Variants in NEDD4L observed in about 807,000 individuals in gnomAD.
The protein encoded by NEDD4L is NEDD4 like E3 ubiquitin protein ligase, also known as E3 ubiquitin-protein ligase NEDD4-like.
NEDD4L carries 54 observed loss-of-function variants against 148.9 expected under a neutral mutation model. The observed-to-expected ratio is 0.36, with a 90% CI of 0.29 to 0.45. NEDD4L has a LOEUF of 0.45. NEDD4L is among the 20% of genes least tolerant of loss of function. The pLI is 1.00. For missense variants in NEDD4L, 856 were observed against 1,233.8 expected, an observed-to-expected ratio of 0.69 and a Z score of 4.59; for synonymous variants, 433 against 440.7, an observed-to-expected ratio of 0.98 and a Z score of 0.22.
intron 1 of NEDD4L, among the ~76,000 whole-genome samples, chr18:58,147,366 A>G (rs2034201131): frequency 6.6e-6 from 1 of 152,062 alleles, no homozygotes; most frequent in African/African-American, 2.4e-5. Flanking sequence ...TCCCTGGTGT[A>G]ATATTAAAAA....
At chr18:58,183,253 C>T (rs2039052738) in intron 2 of NEDD4L, among the ~76,000 whole-genome samples, 1 of 152,230 alleles carries the variant, frequency 6.6e-6, no homozygotes, top group Non-Finnish European at 1.5e-5. Context: ...CACTGGGCCA[C>T]CCTATAAATA....
At chr18:58,050,205 G>C (rs2081800759) in intron 1 of NEDD4L, among the ~76,000 whole-genome samples, 1 of 152,134 alleles carries the variant, frequency 6.6e-6, no homozygotes, top group South Asian at 2.1e-4. Context: ...TGTAATCCCA[G>C]CACGTTGGAG....
intron 1 of NEDD4L, among the ~76,000 whole-genome samples, chr18:58,156,039 G>A (rs2035448287): frequency 6.6e-6 from 1 of 152,128 alleles, no homozygotes; most frequent in South Asian, 2.1e-4. Context: ...TGGTGATTTG[G>A]TTTCTCAGTG....
chr18:58,063,112 C>T (rs1372388762), intron 1 of NEDD4L, among the ~76,000 whole-genome samples: 1 of 136,036 alleles, frequency 7.4e-6, no homozygotes, highest in Non-Finnish European at 1.5e-5. Context: ...GTGGCGTTAT[C>T]ACGGTTCACT....
At chr18:58,303,718 A>G (rs1256355290) in intron 5 of NEDD4L, among the ~76,000 whole-genome samples, 2 of 152,216 alleles carry the variant, frequency 1.3e-5, no homozygotes, top group Non-Finnish European at 2.9e-5. Context: ...ACTTTCTTCA[A>G]ATTAAGCCAT....
chr18:58,084,048 A>G (rs1490036224), intron 1 of NEDD4L, among the ~76,000 whole-genome samples: 1 of 152,184 alleles, frequency 6.6e-6, no homozygotes, highest in Non-Finnish European at 1.5e-5. Flanking sequence ...TTTTTTTAAG[A>G]AAAGAAAATG....
chr18:58,315,892 T>G, intron 5 of NEDD4L, 90 bp from the exon 6 acceptor site: 1 of 1,162,330 alleles, frequency 8.6e-7, no homozygotes, highest in South Asian at 1.2e-5. Context: ...GCCCTGGACC[T>G]TTGTCTCTAT....
chr18:58,120,842 G>A (rs1178262444), intron 1 of NEDD4L, among the ~76,000 whole-genome samples: 2 of 152,046 alleles, frequency 1.3e-5, no homozygotes, highest in African/African-American at 4.8e-5. Context: ...TAGTCCAACA[G>A]ATGTAATCCC....
chr18:58,287,803 G>C (rs772186747), intron 5 of NEDD4L, among the ~76,000 whole-genome samples: 1 of 152,126 alleles, frequency 6.6e-6, no homozygotes, highest in Middle Eastern at 3.2e-3. Flanking sequence ...GCGCGAGCCT[G>C]TGTGTTTTGC....
rs1305590043 is a variant in NEDD4L, at chr18:58,325,179, G to T, written c.680+17G>T. On this transcript the variant is annotated intron_variant, in intron 9 of 30. Coordinates refer to ENST00000400345, the MANE Select transcript of NEDD4L (RefSeq NM_001144967.3). The stretch of plus-strand genomic sequence containing the variant: ...AAGCCTGATGTGAGTACCGTGTGAT[G>T]GTCAGGAACACGTGCACGTGCACTG... The T allele has an allele frequency of 1.9e-6, 3 of 1,613,028 alleles. No individual in the cohort carries two copies. Among genetic ancestry groups the T allele is most frequent in the Non-Finnish European group, 1.7e-6 (2 of 1,179,658 alleles).
At chr18:58,230,414 C>CTT (rs66531634) in intron 2 of NEDD4L, among the ~76,000 whole-genome samples, 58,172 of 145,558 alleles carry the variant, frequency 0.4, 12,218 homozygotes, top group East Asian at 0.7. Flanking sequence ...TGTGAAGCTT[C>CTT]TTCTTTTTTT....
In NEDD4L at chr18:58,396,100, G is replaced by T. The variant is rs2050462041; in HGVS notation, c.2826-67G>T. 5 of 1,029,362 alleles carry T rather than the reference G, an allele frequency of 4.9e-6. 1 individual carries two copies. In the East Asian group the frequency reaches 1.2e-4, roughly 25 times the overall value. The allele number at this position is 1,029,362 out of a possible 1,614,324, so 63.8% of individuals were successfully genotyped here. On this transcript the variant is annotated intron_variant, in intron 30 of 30. Coordinates refer to ENST00000400345, the MANE Select transcript of NEDD4L (RefSeq NM_001144967.3). ...TTTTATTCTCTTACTCAAACCTCATGCCCTATTAACCAGATCGAGGAAGTG... is the reference window on the plus strand; with the variant it reads ...TTTTATTCTCTTACTCAAACCTCATTCCCTATTAACCAGATCGAGGAAGTG...
chr18:58,172,235 C>T (rs2037598324), intron 2 of NEDD4L, among the ~76,000 whole-genome samples: 1 of 152,122 alleles, frequency 6.6e-6, no homozygotes, highest in African/African-American at 2.4e-5. Flanking sequence ...GGGTCAGGAA[C>T]CAAGGCAGGT....
rs187082124 is a variant in NEDD4L at position 58,107,483 on chromosome 18, C to T, written c.49-58305C>T. ...CTGTAATCCCAGCACTTTTGGAGGC[C>T]GAGGCTGGCAGATCACTTGAGGCCA... is the stretch of plus-strand genomic sequence containing the variant. On this transcript the variant is annotated intron_variant, in intron 1 of 30. Transcript: ENST00000400345. Among the ~76,000 whole-genome samples the T allele has an allele frequency of 5.0e-3, 759 of 152,158 alleles. 6 individuals are homozygous for T. The highest frequency in any genetic ancestry group is 0.031 in the Middle Eastern group (9 of 294).
intron 1 of NEDD4L, among the ~76,000 whole-genome samples, chr18:58,092,340 AT>A (rs1256545314): frequency 6.6e-6 from 1 of 151,960 alleles, no homozygotes; most frequent in Non-Finnish European, 1.5e-5. Flanking sequence ...TGTATTTGGG[AT>A]TTGGGGTGGG....
chr18:58,145,384 T>C (rs2033993093), intron 1 of NEDD4L, among the ~76,000 whole-genome samples: 1 of 152,230 alleles, frequency 6.6e-6, no homozygotes. Flanking sequence ...CTGTGAATAA[T>C]ATACCGTGGG....
intron 1 of NEDD4L, among the ~76,000 whole-genome samples, chr18:58,139,797 C>T (rs899512332): frequency 4.6e-5 from 7 of 152,142 alleles, no homozygotes; most frequent in East Asian, 1.9e-4. Flanking sequence ...CAGGAAACCA[C>T]CGTAGAACCC....
At chr18:58,356,295 T>A (rs1212290137) in intron 18 of NEDD4L, among the ~76,000 whole-genome samples, 1 of 151,644 alleles carries the variant, frequency 6.6e-6, no homozygotes, top group Non-Finnish European at 1.5e-5. Flanking sequence ...CTTCTTTTTT[T>A]TTTTTTTTGT....
rs533518768 is a variant in NEDD4L at position 58,366,419 on chromosome 18, C to T, written c.2063+191C>T. Among the ~76,000 whole-genome samples the T allele has an allele frequency of 1.2e-4, 19 of 152,262 alleles. No individual in the cohort carries two copies. Among genetic ancestry groups the T allele is most frequent in the South Asian group, 6.2e-4 (3 of 4,820 alleles). ...CTACGTGGTGAAATAGTGTACTCTG[C>T]GAACATCTAACATTGATTTTTTTTC... is the stretch of plus-strand genomic sequence containing the variant. On this transcript the variant is annotated intron_variant, in intron 21 of 30. Transcript: ENST00000400345. This position sits in a 1 kb window ranked among gnomAD's most constrained non-coding sequence, Gnocchi z 4.2.
Sources: allele counts gnomAD v4.1 joint callset (sites outside exome capture counted in the v4.1 genomes callset), GRCh38; gene constraint gnomAD v4.1.1; non-coding constraint Gnocchi (gnomAD v3.1); transcripts MANE v1.5; gene names NCBI Gene and HGNC (gene_info 2026-07-23, HGNC 2026-07-21).